ACAP2: variants seen among roughly 807,000 people sequenced by gnomAD.
The protein encoded by ACAP2 is arf-GAP with coiled-coil, ANK repeat and PH domain-containing protein 2.
A neutral mutation model predicts 115.8 loss-of-function variants in ACAP2; 39 were observed. The ratio of observed to expected loss-of-function variants is 0.34; its 90% CI spans 0.26 to 0.44. ACAP2 has a LOEUF of 0.44. ACAP2 is among the 20% of genes least tolerant of loss of function. The pLI, the probability that ACAP2 is intolerant of heterozygous loss-of-function variation, is 1.00. For synonymous variants in ACAP2, 289 were observed against 315.8 expected (o/e 0.92, Z 0.90); for missense variants, 662 against 927.6 (o/e 0.71, Z 3.72).
At chr3:195,377,291 T>C (rs961955252) in intron 4 of ACAP2, among the ~76,000 whole-genome samples, 3 of 151,854 alleles carry the variant, frequency 2.0e-5, no homozygotes, top group African/African-American at 7.3e-5. Context: ...ATTACAGGCA[T>C]GAGCCACCAC....
intron 1 of ACAP2, among the ~76,000 whole-genome samples, chr3:195,415,015 A>G (rs1333660568): frequency 6.6e-6 from 1 of 152,174 alleles, no homozygotes; most frequent in Admixed American, 6.5e-5. Flanking sequence ...GAGAATTTTA[A>G]GGCAGCGAAA....
chr3:195,377,545 C>T (rs548821091), intron 4 of ACAP2, among the ~76,000 whole-genome samples: 254 of 152,190 alleles, frequency 1.7e-3, no homozygotes, highest in Non-Finnish European at 2.0e-3. Flanking sequence ...TAAGTGTTAT[C>T]CCTAGCCATC....
At chr3:195,289,370 C>CT in intron 20 of ACAP2, 139 bp from the exon 21 acceptor site, 1 of 660,104 alleles carries the variant, frequency 1.5e-6, no homozygotes, top group Non-Finnish European at 2.7e-6. Flanking sequence ...TAACTGAACA[C>CT]TAACTCTACT....
intron 1 of ACAP2, among the ~76,000 whole-genome samples, chr3:195,417,754 C>T (rs1713857576): frequency 6.6e-6 from 1 of 152,060 alleles, no homozygotes; most frequent in Admixed American, 6.6e-5. Flanking sequence ...TCAAGGCCAG[C>T]CTGGGCAACA....
chr3:195,380,948 A>C, intron 4 of ACAP2, 61 bp downstream of exon 4: 1 of 1,421,540 alleles, frequency 7.0e-7, no homozygotes. Context: ...AAACATTGCG[A>C]CTCAAGAAAA....
At chr3:195,373,717 G>A (rs1733330571) in intron 4 of ACAP2, among the ~76,000 whole-genome samples, 1 of 151,964 alleles carries the variant, frequency 6.6e-6, no homozygotes, top group Non-Finnish European at 1.5e-5. Flanking sequence ...ATCATTTGAG[G>A]TCAGGAGTTG....
Position 195,301,727 on chromosome 3 carries a change from T to C in ACAP2, c.1326-83A>G, listed in dbSNP as rs574981460. 3.8e-5 allele frequency: 51 copies of C among 1,338,518 alleles called. 1 individual carries two copies. In the South Asian group the frequency reaches 6.1e-4, roughly 16 times the overall value. 82.9% of individuals were successfully genotyped at this position (1,338,518 alleles called of 1,614,324 possible). On this transcript the variant is annotated intron_variant, in intron 14 of 22. Coordinates refer to ENST00000326793, the MANE Select transcript of ACAP2 (RefSeq NM_012287.6). ...AGTTCTGTTTTAACGTGACACAGGC[T>C]CTAATAAAGCCCTCGGCATACACAT...
chr3:195,291,964 G>A (rs1039871450), intron 19 of ACAP2, 149 bp from the exon 20 acceptor site: 1 of 678,220 alleles, frequency 1.5e-6, no homozygotes, highest in Non-Finnish European at 2.3e-6. Context: ...AGCCAAGGCA[G>A]AGAAATTATA....
chr3:195,309,754 C>A (rs1429668942), intron 10 of ACAP2, among the ~76,000 whole-genome samples: 4 of 152,102 alleles, frequency 2.6e-5, no homozygotes, highest in Non-Finnish European at 5.9e-5. Context: ...GTAAAATAAT[C>A]AAAGTTATTA....
chr3:195,424,322 T>A (rs1714492512), intron 1 of ACAP2, among the ~76,000 whole-genome samples: 1 of 122,034 alleles, frequency 8.2e-6, no homozygotes, highest in Non-Finnish European at 1.6e-5. Flanking sequence ...TGAAACAGAG[T>A]CTCGCTCTGT....
intron 1 of ACAP2, among the ~76,000 whole-genome samples, chr3:195,410,263 T>A (rs1358588024): frequency 1.3e-5 from 2 of 152,160 alleles, no homozygotes; most frequent in African/African-American, 4.8e-5. Context: ...ATACAAAAAT[T>A]AACTCAAAAG....
At chr3:195,344,810 C>G (rs891707326) in intron 5 of ACAP2, among the ~76,000 whole-genome samples, 1 of 152,170 alleles carries the variant, frequency 6.6e-6, no homozygotes, top group Non-Finnish European at 1.5e-5. Flanking sequence ...TGAGCCACTG[C>G]GCCCCGGCCC....
At chr3:195,302,353 T>C (rs764512524) in intron 13 of ACAP2, among the ~76,000 whole-genome samples, 179 bp from the exon 14 acceptor site, 2 of 152,182 alleles carry the variant, frequency 1.3e-5, no homozygotes, top group Non-Finnish European at 2.9e-5. Flanking sequence ...CTTCCATCAG[T>C]GAGCTTTTAT....
At chr3:195,425,844 A>G (rs1353877052) in intron 1 of ACAP2, among the ~76,000 whole-genome samples, 2 of 152,178 alleles carry the variant, frequency 1.3e-5, no homozygotes, top group African/African-American at 4.8e-5. Context: ...CTATGAAAAA[A>G]TGTTCTCAAC....
chr3:195,420,789 CGA>C, intron 1 of ACAP2, among the ~76,000 whole-genome samples: 1 of 151,998 alleles, frequency 6.6e-6, no homozygotes, highest in Non-Finnish European at 1.5e-5. Flanking sequence ...ATTACGGGCA[CGA>C]GCCACCATGC....
intron 1 of ACAP2, chr3:195,419,643 T>C (rs900298256): frequency 3.9e-5 from 6 of 152,220 alleles, no homozygotes; most frequent in Non-Finnish European, 7.3e-5. Context: ...CAAGCTAGCA[T>C]ACATTTTCAT....
intron 10 of ACAP2, among the ~76,000 whole-genome samples, chr3:195,311,276 T>C (rs893300545): frequency 4.6e-5 from 7 of 152,152 alleles, no homozygotes; most frequent in African/African-American, 1.4e-4. Context: ...TTTGTATTTT[T>C]AGTAGAGACG....
At chr3:195,373,339 C>A (rs554481457) in intron 4 of ACAP2, among the ~76,000 whole-genome samples, 4 of 151,978 alleles carry the variant, frequency 2.6e-5, no homozygotes, top group Middle Eastern at 6.8e-3. Context: ...ATATTAATCC[C>A]AAATTAAATG....
chr3:195,433,934 T>C (rs1031399496), intron 1 of ACAP2, among the ~76,000 whole-genome samples: 9 of 152,086 alleles, frequency 5.9e-5, no homozygotes, highest in African/African-American at 1.7e-4. Flanking sequence ...GTGGGTTTGT[T>C]TCATTTTTGT....
Sources: allele counts gnomAD v4.1 joint callset (sites outside exome capture counted in the v4.1 genomes callset), GRCh38; gene constraint gnomAD v4.1.1; transcripts MANE v1.5; gene names NCBI Gene and HGNC (gene_info 2026-07-23, HGNC 2026-07-21).